The following KRT84 variants were observed in gnomAD, a reference collection of about 807,000 sequenced individuals.
KRT84 encodes keratin 84.
Under a neutral mutation model 49.0 loss-of-function variants are expected in KRT84, and 38 were observed. The ratio of observed to expected loss-of-function variants is 0.78; its 90% CI spans 0.60 to 1.02. KRT84 has a LOEUF of 1.02. Among genes scored for constraint, KRT84 ranks in the 50% least tolerant of loss-of-function variants. KRT84 has a pLI of 0.00. For synonymous variants in KRT84, 334 were observed against 312.8 expected, an observed-to-expected ratio of 1.07 and a Z score of -0.72; for missense variants, 860 against 788.6, an observed-to-expected ratio of 1.09 and a Z score of -1.08.
At chr12:52,380,155 G>A in intron 7 of KRT84, among the ~76,000 whole-genome samples, 1 of 152,212 alleles carries the variant, frequency 6.6e-6, no homozygotes, top group East Asian at 1.9e-4. Flanking sequence ...TTCTGGTGCA[G>A]CTTATCTAGA....
chr12:52,378,860 C>A (rs548471303), intron 8 of KRT84, among the ~76,000 whole-genome samples: 4 of 152,236 alleles, frequency 2.6e-5, no homozygotes, highest in Non-Finnish European at 5.9e-5. Context: ...CTCTCCTGAC[C>A]CACTGGTGGC....
chr12:52,378,475 G>T, intron 8 of KRT84, 95 bp from the exon 9 acceptor site: 3 of 602,984 alleles, frequency 5.0e-6, no homozygotes, highest in Non-Finnish European at 6.5e-6. Context: ...GGTGGGGAGG[G>T]AGTGGGGTCA....
chr12:52,380,720 A>C, intron 6 of KRT84, 137 bp from the exon 7 acceptor site: 1 of 888,590 alleles, frequency 1.1e-6, no homozygotes, highest in Non-Finnish European at 1.7e-6. Flanking sequence ...CTGCTTTCCC[A>C]GGCACTGGAG....
chr12:52,385,624 A>T lies in KRT84; in HGVS notation c.-39T>A, dbSNP rs750149990. 1 of 1,587,484 alleles carries T rather than the reference A, an allele frequency of 6.3e-7. No homozygotes were observed. The highest frequency in any genetic ancestry group is 8.6e-7 in the Non-Finnish European group (1 of 1,165,128). On this transcript the variant is annotated 5_prime_UTR_variant, in exon 1 of 9. Transcript: ENST00000257951. ...TTGGGAGCAAAAGAGCAAGTGTAGA[A>T]TGGGTGAGCTGGAGCTGGGAGTCCC... is the stretch of plus-strand genomic sequence containing the variant.
In KRT84 at chr12:52,378,364, C is replaced by G; in HGVS notation, c.1473G>C (p.Arg491=). 6.8e-7 allele frequency: 1 copy of G among 1,468,944 alleles called. No homozygotes were observed. The highest frequency in any genetic ancestry group is 9.0e-7 in the Non-Finnish European group (1 of 1,113,586). 91.0% of individuals were successfully genotyped at this position (1,468,944 alleles called of 1,614,324 possible). The change falls in exon 9 of 9, where the codon CGG becomes CGC. Residue 491 remains arginine (R), a synonymous_variant. Transcript: ENST00000257951. Reference sequence around the variant, plus strand: ...GCTCAGGCCCGCACACCAGGCCGCCCCGGGAGCTGCTGACGGCTGCGGAGA... The same window carrying G: ...GCTCAGGCCCGCACACCAGGCCGCCGCGGGAGCTGCTGACGGCTGCGGAGA... The part of the protein sequence containing the change: ...GPVNISVSSS[R]GGLVCGPEPL...
chr12:52,381,787 T>C (rs1402292521), intron 4 of KRT84, among the ~76,000 whole-genome samples: 1 of 152,206 alleles, frequency 6.6e-6, no homozygotes, highest in Non-Finnish European at 1.5e-5. Context: ...ACCATGGGGA[T>C]CTAAGAACAT....
intron 6 of KRT84, 115 bp from the exon 7 acceptor site, chr12:52,380,698 AC>A: frequency 9.2e-7 from 1 of 1,090,626 alleles, no homozygotes; most frequent in Non-Finnish European, 1.3e-6. Flanking sequence ...GCAGGGATGG[AC>A]CCCATGGTGG....
Position 52,378,037 on chromosome 12 carries a change from G to GTA in KRT84, c.1798_1799dup (p.Ter601ThrfsTer45), listed in dbSNP as rs372571026. 1,923 of 1,468,550 alleles carry GTA rather than the reference G, an allele frequency of 1.3e-3. 34 individuals carry two copies. The African/African-American group carries it at 0.026, about 20-fold the overall frequency. The allele number at this position is 1,468,550 out of a possible 1,614,324, so 91.0% of individuals were successfully genotyped here. A position where few individuals can be genotyped will look rare whatever the true frequency, so the allele number is the denominator to read the frequency against. On this transcript the variant is annotated frameshift_variant, in exon 9 of 9. Transcript: ENST00000257951. LOFTEE classifies it high-confidence loss of function. ...GCAGCTGTCTGGGGCTGGGCTCTCA[G>GTA]TACTTGGTCCGGCAGGAGGTGGTGG...
In KRT84 at chr12:52,380,539, G is replaced by A. The variant is rs751393170; in HGVS notation, c.1248C>T (p.Gly416=). ...EAAVAEAEQQ[G]EATLSDAKCK... ...ATTTGGCATCACTGAGGGTCGCCTC[G>A]CCCTGCTGCTCGGCCTCGGCCACTG... The change falls in exon 7 of 9, where the codon GGC becomes GGT. Residue 416 remains glycine (G), a synonymous_variant. Transcript: ENST00000257951. The A allele has an allele frequency of 9.7e-5, 156 of 1,613,714 alleles. No individual in the cohort carries two copies. The highest frequency in any genetic ancestry group is 8.7e-4 in the Admixed American group (52 of 59,986).
chr12:52,383,468 GGCTT>G, intron 2 of KRT84, 118 bp downstream of exon 2: 1 of 392,024 alleles, frequency 2.6e-6, no homozygotes, highest in Non-Finnish European at 4.8e-6. Context: ...CACCTCCCCA[GGCTT>G]GATGTGGTAA....
intron 8 of KRT84, among the ~76,000 whole-genome samples, chr12:52,379,564 C>T (rs944336427): frequency 1.3e-5 from 2 of 152,214 alleles, no homozygotes; most frequent in Non-Finnish European, 2.9e-5. Context: ...CCTTCTAAGT[C>T]CCAGTCCTTC....
chr12:52,380,637 G>A (rs1450937509), intron 6 of KRT84, 54 bp from the exon 7 acceptor site: 1 of 1,509,040 alleles, frequency 6.6e-7, no homozygotes, highest in East Asian at 2.4e-5. Flanking sequence ...GCATCCCCAG[G>A]TTGGGTTAGA....
At chr12:52,385,822 A>T (rs1377160834), upstream of KRT84, among the ~76,000 whole-genome samples, 1 of 152,270 alleles carries the variant, frequency 6.6e-6, no homozygotes, top group African/African-American at 2.4e-5. Flanking sequence ...ACCTAGTCTC[A>T]TTGGGATGAG....
chr12:52,384,279 G>A (rs557523784), intron 1 of KRT84, among the ~76,000 whole-genome samples: 3 of 151,444 alleles, frequency 2.0e-5, no homozygotes, highest in Admixed American at 2.0e-4. Flanking sequence ...AGCTGGAAGA[G>A]AACTTACAGA....
At position 52,380,405 on chromosome 12, in the gene KRT84, T is replaced by G; in HGVS notation, c.1382A>C (p.Glu461Ala). The G allele has an allele frequency of 6.2e-7, 1 of 1,614,214 alleles. No homozygotes were observed. The highest frequency in any genetic ancestry group is 2.2e-5 in the East Asian group (1 of 44,892). Residue 461 changes from glutamate (E) to alanine (A), a missense_variant, in exon 7 of 9, where the codon GAG becomes GCG. Physicochemically the swap from Glu to Ala is moderately radical, Grantham distance 107 (BLOSUM62 -1). Coordinates refer to ENST00000257951, the MANE Select transcript of KRT84 (RefSeq NM_033045.4). ...CAGCAGGCGCCTGTAGGTGGCGATC[T>G]CGATGTCCAGGCCCAGCTTGGCATT... is the stretch of plus-strand genomic sequence containing the variant. ...LMNAKLGLDIEIATYRRLLEG... is the reference protein window; with the variant it reads ...LMNAKLGLDIAIATYRRLLEG...
chr12:52,381,969 T>C (rs1939492244), intron 4 of KRT84, among the ~76,000 whole-genome samples: 1 of 152,210 alleles, frequency 6.6e-6, no homozygotes, highest in South Asian at 2.1e-4. Context: ...GGGACTGGCC[T>C]GCAAAGAGAG....
chr12:52,381,488 G>A lies in KRT84; in HGVS notation c.950C>T (p.Ser317Leu), dbSNP rs999221955. The stretch of plus-strand genomic sequence containing the variant: ...GCTGTTGTCCATCTTCACAATGACC[G>A]ACGTCTCTGAGATGTGCGACTGCAG... ...QLLQSHISET[S>L]VIVKMDNSRD... The change falls in exon 5 of 9, where the codon TCG becomes TTG. Residue 317 changes from serine to leucine, a missense_variant. Physicochemically the swap from Ser to Leu is moderately radical, Grantham distance 145. Coordinates refer to ENST00000257951, the MANE Select transcript of KRT84 (RefSeq NM_033045.4). The A allele has an allele frequency of 1.3e-5, 21 of 1,613,960 alleles. 1 individual carries two copies. The highest frequency in any genetic ancestry group is 1.7e-5 in the Admixed American group (1 of 59,998).
Position 52,378,233 on chromosome 12 carries a change from C to T in KRT84, c.1604G>A (p.Gly535Asp). 6.4e-7 allele frequency: 1 copy of T among 1,565,998 alleles called. No individual in the cohort carries two copies. Among genetic ancestry groups the T allele is most frequent in the Admixed American group, 1.8e-5 (1 of 54,082 alleles). The change falls in exon 9 of 9, where the codon GGT becomes GAT. Residue 535 changes from glycine to aspartate, a missense_variant. Transcript: ENST00000257951. ...GVLASCGPSL[G>D]GARVAPATGD... Reference sequence around the variant, plus strand: ...AGTGGCCGGGGCGACCCGGGCTCCACCCAGGCTGGGGCCACAGGAAGCCAG... The same window carrying T: ...AGTGGCCGGGGCGACCCGGGCTCCATCCAGGCTGGGGCCACAGGAAGCCAG...
At chr12:52,386,284 A>G (rs1939572852), upstream of KRT84, among the ~76,000 whole-genome samples, 1 of 152,190 alleles carries the variant, frequency 6.6e-6, no homozygotes, top group Non-Finnish European at 1.5e-5. Flanking sequence ...CATTCATTCT[A>G]CAGTTTTAGA....
Sources: allele counts gnomAD v4.1 joint callset (sites outside exome capture counted in the v4.1 genomes callset), GRCh38; gene constraint gnomAD v4.1.1; transcripts MANE v1.5; gene names NCBI Gene and HGNC (gene_info 2026-07-23, HGNC 2026-07-21).